Variants in SLC25A48 observed in about 807,000 individuals in gnomAD.
The protein encoded by SLC25A48 is CTC-321K16.1.
SLC25A48 carries 29 observed loss-of-function variants against 32.2 expected under a neutral mutation model. The observed-to-expected ratio is 0.90, with a 90% CI of 0.67 to 1.23. SLC25A48 has a LOEUF of 1.23. Ranked by LOEUF, SLC25A48 falls within the 50% of genes most tolerant of loss-of-function variation. SLC25A48 has a pLI of 0.00. For synonymous variants in SLC25A48, 164 were observed against 172.3 expected (o/e 0.95, Z 0.38); for missense variants, 399 against 422.7 (o/e 0.94, Z 0.49).
chr5:135,874,244 T>TCAGGAGAC, intron 6 of SLC25A48, 90 bp downstream of exon 6: 1 of 1,343,392 alleles, frequency 7.4e-7, no homozygotes, highest in African/African-American at 1.5e-5. Context: ...GAGAAGGGAA[T>TCAGGAGAC]CAGGAGACCA....
intron 3 of SLC25A48, among the ~76,000 whole-genome samples, chr5:135,679,487 GGTGGCA>G (rs1320296536): frequency 6.6e-6 from 1 of 152,172 alleles, no homozygotes; most frequent in Non-Finnish European, 1.5e-5. Context: ...AGGTTACTTT[GGTGGCA>G]GTAACCATAT....
At chr5:135,585,588 G>A (rs956197582) in intron 1 of SLC25A48, among the ~76,000 whole-genome samples, 6 of 152,094 alleles carry the variant, frequency 3.9e-5, no homozygotes, top group African/African-American at 1.4e-4. Context: ...GCACAGGGCC[G>A]GGCACACAGT....
intron 6 of SLC25A48, chr5:135,875,561 T>C (rs565967420): frequency 2.6e-5 from 4 of 152,360 alleles, no homozygotes; most frequent in East Asian, 3.9e-4. Context: ...CTGTAGAGGA[T>C]GGGGCAATCC....
intron 4 of SLC25A48, among the ~76,000 whole-genome samples, chr5:135,854,140 C>A (rs1377820923): frequency 6.6e-6 from 1 of 152,174 alleles, no homozygotes; most frequent in East Asian, 1.9e-4. Flanking sequence ...GTCATCCAGG[C>A]CTTGTTGTTC....
intron 3 of SLC25A48, among the ~76,000 whole-genome samples, chr5:135,639,734 A>T (rs1199810371): frequency 6.6e-6 from 1 of 152,194 alleles, no homozygotes; most frequent in African/African-American, 2.4e-5. Flanking sequence ...AAAAAGAAAC[A>T]AAACCCAAAC....
At chr5:135,736,829 G>T (rs975873791) in intron 3 of SLC25A48, among the ~76,000 whole-genome samples, 1 of 152,174 alleles carries the variant, frequency 6.6e-6, no homozygotes, top group African/African-American at 2.4e-5. Flanking sequence ...AAAAGGAAAG[G>T]AACTGAAATT....
intron 3 of SLC25A48, among the ~76,000 whole-genome samples, chr5:135,674,911 G>GT (rs35040543): frequency 2.7e-4 from 40 of 148,558 alleles, no homozygotes; most frequent in South Asian, 2.1e-3. Context: ...TTTTAGTGGG[G>GT]TTTTTTTTTT....
chr5:135,650,569 AC>A (rs1189847491), intron 3 of SLC25A48: 2 of 355,150 alleles, frequency 5.6e-6, no homozygotes, highest in African/African-American at 2.4e-5. Flanking sequence ...TAAAAAAAAA[AC>A]AACAACAGAA....
chr5:135,633,312 A>G (rs578259674), intron 2 of SLC25A48, among the ~76,000 whole-genome samples: 2 of 152,022 alleles, frequency 1.3e-5, no homozygotes, highest in East Asian at 3.9e-4. Context: ...TGCCCCACTC[A>G]TATGTTGAAG....
intron 3 of SLC25A48, among the ~76,000 whole-genome samples, chr5:135,658,095 A>G (rs868807346): frequency 1.1e-4 from 17 of 152,188 alleles, no homozygotes; most frequent in African/African-American, 4.1e-4. Flanking sequence ...CAATCCCACA[A>G]AGTCTTAACT....
At chr5:135,739,340 G>A (rs536358792) in intron 3 of SLC25A48, among the ~76,000 whole-genome samples, 14 of 152,118 alleles carry the variant, frequency 9.2e-5, no homozygotes, top group African/African-American at 3.4e-4. Flanking sequence ...GCTGGGAGTC[G>A]GTGACTTTTG....
Position 135,871,594 on chromosome 5 carries a change from G to A in SLC25A48, c.555G>A (p.Leu185=). The part of the protein sequence containing the change: ...AGLYRGASAM[L]LRDVPGYCLY... ...TATACCGGGGGGCCAGTGCCATGCT[G>A]CTGAGGGATGTCCCAGGCTATTGCC... Residue 185 remains leucine (L), a synonymous_variant, in exon 5 of 8, where the codon CTG becomes CTA. Transcript: ENST00000681962. 1 of 1,614,224 alleles carries A rather than the reference G, an allele frequency of 6.2e-7. No individual in the cohort carries two copies. The highest frequency in any genetic ancestry group is 8.5e-7 in the Non-Finnish European group (1 of 1,180,024).
chr5:135,744,089 A>C (rs1755575011), intron 3 of SLC25A48, among the ~76,000 whole-genome samples: 1 of 152,184 alleles, frequency 6.6e-6, no homozygotes, highest in Non-Finnish European at 1.5e-5. Flanking sequence ...TCTTCTGTAT[A>C]GCATAGATAT....
intron 3 of SLC25A48, among the ~76,000 whole-genome samples, chr5:135,766,737 C>T (rs1377004493): frequency 1.3e-5 from 2 of 150,608 alleles, no homozygotes; most frequent in Non-Finnish European, 1.5e-5. Context: ...CTCCTCATAT[C>T]CCCAGGAGTG....
At chr5:135,850,300 A>T in intron 2 of SLC25A48, 125 bp from the exon 3 acceptor site, 1 of 887,064 alleles carries the variant, frequency 1.1e-6, no homozygotes, top group Non-Finnish European at 1.8e-6. Context: ...CCTGGCCAGG[A>T]CTGAAACCCA....
At chr5:135,842,959 C>T (rs1003341946) in intron 2 of SLC25A48, among the ~76,000 whole-genome samples, 3 of 152,252 alleles carry the variant, frequency 2.0e-5, no homozygotes, top group Non-Finnish European at 2.9e-5. Flanking sequence ...TGCTGACTGC[C>T]TTCCAGATCC....
chr5:135,804,980 T>C (rs552240365), intron 3 of SLC25A48, among the ~76,000 whole-genome samples: 1 of 151,678 alleles, frequency 6.6e-6, no homozygotes, highest in Non-Finnish European at 1.5e-5. Context: ...TGTAATATCC[T>C]AGGTAGATAT....
intron 3 of SLC25A48, among the ~76,000 whole-genome samples, chr5:135,784,156 G>C (rs575684279): frequency 8.8e-6 from 1 of 113,880 alleles, no homozygotes; most frequent in Non-Finnish European, 2.2e-5. Flanking sequence ...AGGGAAAAAG[G>C]GGACGACATT....
At chr5:135,881,886 A>AT (rs1203502342) in intron 7 of SLC25A48, among the ~76,000 whole-genome samples, 1 of 152,158 alleles carries the variant, frequency 6.6e-6, no homozygotes, top group Non-Finnish European at 1.5e-5. Flanking sequence ...GTTTGGGACC[A>AT]TTTTCCCATG....
Sources: gnomAD v4.1 joint callset for allele counts (sites outside exome capture counted in the v4.1 genomes callset) on GRCh38, gnomAD v4.1.1 for gene constraint, MANE v1.5 for transcripts, NCBI Gene and HGNC (gene_info 2026-07-23, HGNC 2026-07-21) for gene names.